Variants in DAB1 observed in about 807,000 individuals in gnomAD.
DAB1 encodes DAB adaptor protein 1.
DAB1 carries 15 observed loss-of-function variants against 64.6 expected under a neutral mutation model. The ratio of observed to expected loss-of-function variants is 0.23; its 90% CI spans 0.16 to 0.36. DAB1 has a LOEUF of 0.36. Among genes scored for constraint, DAB1 ranks in the 10% least tolerant of loss-of-function variants. The pLI is 1.00. For synonymous variants in DAB1, 235 were observed against 251.9 expected (o/e 0.93, Z 0.64); for missense variants, 596 against 706.7 (o/e 0.84, Z 1.78).
chr1:57,056,884 G>A (rs181210372), intron 9 of DAB1, among the ~76,000 whole-genome samples: 5 of 151,828 alleles, frequency 3.3e-5, no homozygotes, highest in South Asian at 2.1e-4. Context: ...AAAAAAGTTC[G>A]GTAGAAATAC....
chr1:58,267,823 T>C (rs1661209198), intron 4 of DAB1, among the ~76,000 whole-genome samples: 1 of 152,252 alleles, frequency 6.6e-6, no homozygotes, highest in African/African-American at 2.4e-5. Context: ...AATATCTATT[T>C]AGATCATTGG....
intron 4 of DAB1, among the ~76,000 whole-genome samples, chr1:58,222,311 G>A (rs1388584828): frequency 2.0e-5 from 3 of 151,906 alleles, no homozygotes; most frequent in Non-Finnish European, 4.4e-5. Flanking sequence ...ATTTTTACAT[G>A]ACTCTCTCCT....
chr1:57,857,534 A>G (rs757598253), intron 1 of DAB1, among the ~76,000 whole-genome samples: 1 of 152,082 alleles, frequency 6.6e-6, no homozygotes, highest in Non-Finnish European at 1.5e-5. Flanking sequence ...CCTTGTAACA[A>G]CTCTATGAGA....
chr1:58,413,804 A>G (rs10489814), intron 3 of DAB1, among the ~76,000 whole-genome samples: 5,089 of 152,280 alleles, frequency 0.033, 106 homozygotes, highest in African/African-American at 0.063. Flanking sequence ...CTAAGAACCT[A>G]TTCCCTCGAC....
chr1:58,284,906 C>A (rs1395945745), intron 4 of DAB1, among the ~76,000 whole-genome samples: 2 of 152,210 alleles, frequency 1.3e-5, no homozygotes, highest in African/African-American at 2.4e-5. Context: ...AACTCCAGAG[C>A]ATCTTCTGCT....
intron 3 of DAB1, among the ~76,000 whole-genome samples, chr1:58,448,612 G>C (rs1301547310): frequency 6.6e-6 from 1 of 152,170 alleles, no homozygotes; most frequent in Non-Finnish European, 1.5e-5. Context: ...TCCAATTATA[G>C]GAGGAAACAA....
At chr1:58,362,321 G>A (rs571976084) in intron 3 of DAB1, among the ~76,000 whole-genome samples, 1 of 152,286 alleles carries the variant, frequency 6.6e-6, no homozygotes, top group African/African-American at 2.4e-5. Flanking sequence ...GCCAAGGTTG[G>A]TCCCTCCTAG....
intron 4 of DAB1, among the ~76,000 whole-genome samples, chr1:58,250,248 G>A (rs1223490816): frequency 6.6e-6 from 1 of 152,174 alleles, no homozygotes; most frequent in Non-Finnish European, 1.5e-5. Context: ...ACCTCCAGCC[G>A]CCGAGGACCA....
chr1:57,937,995 T>A (rs1645051698), intron 5 of DAB1, among the ~76,000 whole-genome samples: 1 of 152,228 alleles, frequency 6.6e-6, no homozygotes, highest in Non-Finnish European at 1.5e-5. Context: ...TCAGATGCCC[T>A]CATAGTGAGG....
intron 1 of DAB1, among the ~76,000 whole-genome samples, chr1:57,838,410 A>C (rs932773153): frequency 6.6e-6 from 1 of 152,216 alleles, no homozygotes; most frequent in Non-Finnish European, 1.5e-5. Flanking sequence ...TGAGTTTTAA[A>C]AAATATAGTT....
intron 7 of DAB1, among the ~76,000 whole-genome samples, chr1:57,517,171 A>T (rs534606273): frequency 2.8e-4 from 42 of 150,982 alleles, no homozygotes; most frequent in South Asian, 8.4e-4. Flanking sequence ...TTATTTATTT[A>T]TTTTTTTTGA....
intron 5 of DAB1, among the ~76,000 whole-genome samples, chr1:58,051,582 C>G (rs1022187652): frequency 1.3e-5 from 2 of 152,156 alleles, no homozygotes; most frequent in Admixed American, 6.5e-5. Context: ...ATTGCTGGGT[C>G]AAATGGTAAT....
At chr1:57,391,866 T>C (rs1202840552) in intron 1 of DAB1, among the ~76,000 whole-genome samples, 1 of 151,586 alleles carries the variant, frequency 6.6e-6, no homozygotes. Flanking sequence ...TGCTGGAAAG[T>C]TGCATTTTTT....
chr1:57,399,281 C>T (rs147644540), intron 1 of DAB1, among the ~76,000 whole-genome samples: 1 of 152,130 alleles, frequency 6.6e-6, no homozygotes, highest in Non-Finnish European at 1.5e-5. Flanking sequence ...GTTTCCTCAG[C>T]ACTGTGCACA....
chr1:58,419,334 T>C (rs1331077945), intron 3 of DAB1, among the ~76,000 whole-genome samples: 1 of 152,210 alleles, frequency 6.6e-6, no homozygotes, highest in Admixed American at 6.5e-5. Flanking sequence ...CTAATGGTGT[T>C]TATCTCACAA....
intron 6 of DAB1, among the ~76,000 whole-genome samples, chr1:57,674,032 C>A (rs936514939): frequency 2.6e-5 from 4 of 151,830 alleles, no homozygotes; most frequent in African/African-American, 9.7e-5. Context: ...CTGGAACCAC[C>A]CTAGAGGGTT....
intron 3 of DAB1, among the ~76,000 whole-genome samples, chr1:58,345,941 A>G (rs1643991688): frequency 6.6e-6 from 1 of 152,120 alleles, no homozygotes; most frequent in Non-Finnish European, 1.5e-5. Context: ...TGCCAAGAGC[A>G]GCTTCCAGGG....
intron 4 of DAB1, among the ~76,000 whole-genome samples, chr1:58,179,792 A>G (rs1656676674): frequency 6.6e-6 from 1 of 151,768 alleles, no homozygotes; most frequent in African/African-American, 2.4e-5. Context: ...GTTTTGTTGA[A>G]TTTCTCTACT....
At chr1:57,305,646 G>T (rs1674072207) in intron 1 of DAB1, among the ~76,000 whole-genome samples, 1 of 152,140 alleles carries the variant, frequency 6.6e-6, no homozygotes, top group Non-Finnish European at 1.5e-5. Flanking sequence ...TCCTGTAACA[G>T]AGCATAAAAC....
Sources: allele counts gnomAD v4.1 joint callset (sites outside exome capture counted in the v4.1 genomes callset), GRCh38; gene constraint gnomAD v4.1.1; transcripts MANE v1.5; gene names NCBI Gene and HGNC (gene_info 2026-07-23, HGNC 2026-07-21).